Variants in TMEFF2 observed in about 807,000 individuals in gnomAD.
TMEFF2 encodes the protein transmembrane protein with EGF like and two follistatin like domains 2.
In TMEFF2, 28 loss-of-function variants were observed where a neutral mutation model predicts 53.8. That is an observed-to-expected ratio of 0.52 (90% CI 0.39 to 0.71). The LOEUF is 0.71. Ranked by LOEUF, TMEFF2 falls within the 30% of genes least tolerant of loss-of-function variation. The pLI, the probability that TMEFF2 is intolerant of heterozygous loss-of-function variation, is 0.00. For missense variants in TMEFF2, 353 were observed against 455.2 expected, an observed-to-expected ratio of 0.78 and a Z score of 2.04; for synonymous variants, 162 against 166.3, an observed-to-expected ratio of 0.97 and a Z score of 0.20.
chr2:191,999,305 G>A (rs1047381917), intron 5 of TMEFF2, 97 bp from the exon 6 acceptor site: 20 of 1,080,462 alleles, frequency 1.9e-5, no homozygotes, highest in Non-Finnish European at 2.5e-5. Context: ...TTGACAAAAT[G>A]CAAGTTGGCA....
chr2:192,142,078 C>G (rs558866599), intron 4 of TMEFF2, among the ~76,000 whole-genome samples: 1 of 152,000 alleles, frequency 6.6e-6, no homozygotes, highest in Non-Finnish European at 1.5e-5. Flanking sequence ...TAAAGACCCT[C>G]TTTGGGAAGT....
At chr2:192,067,627 T>C (rs1474235516) in intron 4 of TMEFF2, among the ~76,000 whole-genome samples, 4 of 151,872 alleles carry the variant, frequency 2.6e-5, no homozygotes, top group Non-Finnish European at 4.4e-5. Flanking sequence ...AAGATGTATC[T>C]TTATTAACTT....
intron 4 of TMEFF2, among the ~76,000 whole-genome samples, chr2:192,059,506 C>A (rs1417617584): frequency 1.3e-5 from 2 of 152,100 alleles, no homozygotes; most frequent in East Asian, 3.9e-4. Flanking sequence ...TGGGAGAAAG[C>A]CTTTTAGTGT....
chr2:192,164,741 A>G (rs1387213917), intron 4 of TMEFF2, among the ~76,000 whole-genome samples: 1 of 145,384 alleles, frequency 6.9e-6, no homozygotes, highest in Non-Finnish European at 1.5e-5. Context: ...AAAAAAAAAA[A>G]AAGTAACCAC....
intron 4 of TMEFF2, among the ~76,000 whole-genome samples, chr2:192,113,859 A>G (rs950334236): frequency 1.3e-5 from 2 of 152,102 alleles, no homozygotes; most frequent in Non-Finnish European, 2.9e-5. Context: ...AAGAACTATT[A>G]TTATCCCCAT....
At chr2:192,150,423 C>T (rs1419703518) in intron 4 of TMEFF2, among the ~76,000 whole-genome samples, 4 of 151,860 alleles carry the variant, frequency 2.6e-5, no homozygotes, top group Non-Finnish European at 4.4e-5. Flanking sequence ...CTCAGCCCAA[C>T]ACTGTCCAGT....
At position 191,949,590 on chromosome 2, in the gene TMEFF2, A is replaced by C; in HGVS notation, c.*721T>G. 1.0e-6 allele frequency: 1 copy of C among 985,394 alleles called. No homozygotes were observed. The highest frequency in any genetic ancestry group is 1.2e-6 in the Non-Finnish European group (1 of 829,910). 61.0% of individuals were successfully genotyped at this position (985,394 alleles called of 1,614,324 possible). On this transcript the variant is annotated 3_prime_UTR_variant, in exon 10 of 10. Coordinates refer to ENST00000272771, the MANE Select transcript of TMEFF2 (RefSeq NM_016192.4). ...TATGTAACTTGTTCAGTAAGTTCAG[A>C]TATATGCACTTAACTGGGGGATTCT...
At chr2:192,106,799 A>G (rs887145351) in intron 4 of TMEFF2, among the ~76,000 whole-genome samples, 21 of 151,982 alleles carry the variant, frequency 1.4e-4, no homozygotes, top group Admixed American at 1.1e-3. Context: ...TTCAGATAAC[A>G]TGTAAAAATA....
intron 5 of TMEFF2, among the ~76,000 whole-genome samples, chr2:192,055,668 A>G (rs1382498574): frequency 3.3e-5 from 5 of 149,694 alleles, no homozygotes; most frequent in East Asian, 2.0e-4. Flanking sequence ...CCAGCTACTC[A>G]GGAGGCTGAG....
rs559059454 is a variant in TMEFF2, at chr2:192,035,958, A to T, written c.536+21721T>A. Among the ~76,000 whole-genome samples the T allele has an allele frequency of 2.0e-5, 3 of 152,282 alleles. No homozygotes were observed. The South Asian group carries it at 6.2e-4, about 32-fold the overall frequency. On this transcript the variant is annotated intron_variant, in intron 5 of 9. Transcript: ENST00000272771. ...TGACTTCTAATCTCTGGCATCTCAT[A>T]ATTGTGCAGTTACCAAACTCTCCCC...
rs112135470 is a variant in TMEFF2 at position 192,002,038 on chromosome 2, T to TTTATTTA, written c.537-2831_537-2830insTAAATAA. On this transcript the variant is annotated intron_variant, in intron 5 of 9. Transcript: ENST00000272771. Reference sequence around the variant, plus strand: ...TATTTATTTATTTATTTATTTATTATTTTTCAGTTTGACTAATCTGATTTT... The same window carrying TTTATTTA: ...TATTTATTTATTTATTTATTTATTATTTATTTATTTTCAGTTTGACTAATCTGATTTT... Among the ~76,000 whole-genome samples the TTTATTTA allele has an allele frequency of 5.2e-3, 770 of 148,256 alleles. 9 individuals are homozygous for TTTATTTA. Among genetic ancestry groups the TTTATTTA allele is most frequent in the African/African-American group, 0.018 (736 of 40,520 alleles).
chr2:191,958,011 G>A lies in TMEFF2; in HGVS notation c.746-1633C>T, dbSNP rs76878165. Among the ~76,000 whole-genome samples, 496 of 152,314 alleles carry A rather than the reference G, an allele frequency of 3.3e-3. 25 individuals are homozygous for A. In the East Asian group the frequency reaches 0.074, roughly 23 times the overall value. On this transcript the variant is annotated intron_variant, in intron 7 of 9. Transcript: ENST00000272771. ...TTGGTAGCAAGTGCAGCTGCAGTAAGCAAATACACCAAAATTAAAGTGGGT... is the reference window on the plus strand; with the variant it reads ...TTGGTAGCAAGTGCAGCTGCAGTAAACAAATACACCAAAATTAAAGTGGGT...
chr2:191,986,666 T>A (rs757037948), intron 7 of TMEFF2, among the ~76,000 whole-genome samples: 10 of 151,384 alleles, frequency 6.6e-5, no homozygotes, highest in Non-Finnish European at 1.2e-4. Flanking sequence ...GAGACCAGCC[T>A]GACCAACATG....
chr2:192,067,595 A>C (rs1688196393), intron 4 of TMEFF2, among the ~76,000 whole-genome samples: 1 of 151,900 alleles, frequency 6.6e-6, no homozygotes, highest in Admixed American at 6.6e-5. Flanking sequence ...AATTCTTCTA[A>C]TTAGTAAGCC....
intron 4 of TMEFF2, among the ~76,000 whole-genome samples, chr2:192,106,677 T>C (rs1379261149): frequency 6.6e-6 from 1 of 151,850 alleles, no homozygotes; most frequent in Non-Finnish European, 1.5e-5. Flanking sequence ...GTACTCCCTA[T>C]CTGCATGACA....
chr2:192,152,469 G>C (rs949310227), intron 4 of TMEFF2, among the ~76,000 whole-genome samples: 1 of 151,704 alleles, frequency 6.6e-6, no homozygotes, highest in South Asian at 2.1e-4. Flanking sequence ...ATAGGGTCAT[G>C]AAAAAAAAGG....
At chr2:192,062,726 A>G (rs761765677) in intron 4 of TMEFF2, among the ~76,000 whole-genome samples, 1 of 152,124 alleles carries the variant, frequency 6.6e-6, no homozygotes. Context: ...TGATCTTGGT[A>G]TATTAACTTT....
chr2:192,002,593 G>T (rs1003030348), intron 5 of TMEFF2, among the ~76,000 whole-genome samples: 5 of 152,242 alleles, frequency 3.3e-5, no homozygotes, highest in African/African-American at 1.2e-4. Flanking sequence ...ACCCTGGGAG[G>T]CCAAGGTGGG....
At chr2:192,111,353 G>A (rs564567363) in intron 4 of TMEFF2, among the ~76,000 whole-genome samples, 3 of 152,262 alleles carry the variant, frequency 2.0e-5, no homozygotes, top group Non-Finnish European at 4.4e-5. Flanking sequence ...GGAACTTGTT[G>A]AGAACTAGAG....
Sources: gnomAD v4.1 joint callset for allele counts (sites outside exome capture counted in the v4.1 genomes callset) on GRCh38, gnomAD v4.1.1 for gene constraint, MANE v1.5 for transcripts, NCBI Gene and HGNC (gene_info 2026-07-23, HGNC 2026-07-21) for gene names.